The following CCNC variants were observed in gnomAD, a reference collection of about 807,000 sequenced individuals.
The protein encoded by CCNC is cyclin C.
Under a neutral mutation model 50.0 loss-of-function variants are expected in CCNC, and 19 were observed. The ratio of observed to expected loss-of-function variants is 0.38; its 90% confidence interval spans 0.27 to 0.56. The LOEUF is 0.56. CCNC is among the 20% of genes least tolerant of loss of function. CCNC has a pLI of 0.72. For synonymous variants in CCNC, 93 were observed against 103.7 expected (o/e 0.90, Z 0.63); for missense variants, 200 against 327.1 (o/e 0.61, Z 3.00).
chr6:99,545,350 G>C lies in CCNC; in HGVS notation c.679-120C>G, dbSNP rs114812516. ...TAAATAGTCTCTGTCCTTAAATCCT[G>C]ATAAATTTGAAAGCAGTATTTTTCA... On this transcript the variant is annotated intron_variant, in intron 10 of 11. Transcript: ENST00000520429. The C allele has an allele frequency of 7.4e-3, 4,458 of 601,198 alleles. 77 individuals carry two copies. The highest frequency in any genetic ancestry group is 0.027 in the African/African-American group (1,470 of 53,872). 37.2% of individuals were successfully genotyped at this position (601,198 alleles called of 1,614,324 possible).
At chr6:99,566,844 G>A in intron 1 of CCNC, 1 of 387,638 alleles carries the variant, frequency 2.6e-6, no homozygotes. Context: ...GTGCATCTTA[G>A]AAGCATGAAA....
intron 4 of CCNC, among the ~76,000 whole-genome samples, chr6:99,560,120 T>G (rs1802715290): frequency 6.6e-6 from 1 of 152,180 alleles, no homozygotes; most frequent in African/African-American, 2.4e-5. Flanking sequence ...ATTTAACAAG[T>G]AAGATAGATT....
At chr6:99,544,751 A>G (rs1583566189) in intron 11 of CCNC, among the ~76,000 whole-genome samples, 1 of 151,846 alleles carries the variant, frequency 6.6e-6, no homozygotes, top group East Asian at 1.9e-4. Context: ...CAGTGAAAAA[A>G]AAAAAAAAAA....
intron 4 of CCNC, among the ~76,000 whole-genome samples, chr6:99,560,895 TGAGAAGCATAAGG>T (rs1802751432): frequency 6.6e-6 from 1 of 152,202 alleles, no homozygotes; most frequent in Admixed American, 6.5e-5. Context: ...AGCATATGGG[TGAGAAGCATAAGG>T]GACATTCTCA....
At chr6:99,543,855 T>C in intron 11 of CCNC, 1 of 1,331,488 alleles carries the variant, frequency 7.5e-7, no homozygotes, top group Non-Finnish European at 9.6e-7. Context: ...AGTGTCCATA[T>C]ATACTCAAAA....
chr6:99,555,177 G>T (rs570578394), intron 5 of CCNC, among the ~76,000 whole-genome samples: 1 of 152,216 alleles, frequency 6.6e-6, no homozygotes, highest in African/African-American at 2.4e-5. Context: ...AGTTCCTTTT[G>T]CCTTTACTCT....
At chr6:99,555,436 CTT>C (rs67373075) in intron 5 of CCNC, among the ~76,000 whole-genome samples, 10 of 150,822 alleles carry the variant, frequency 6.6e-5, no homozygotes, top group East Asian at 1.9e-4. Context: ...TTGTGGAACT[CTT>C]TTTTTTTTTA....
At chr6:99,554,406 G>C (rs1802429842) in intron 5 of CCNC, among the ~76,000 whole-genome samples, 1 of 152,164 alleles carries the variant, frequency 6.6e-6, no homozygotes, top group African/African-American at 2.4e-5. Context: ...CACCTTAGGA[G>C]TGGGGAGTTA....
At chr6:99,545,037 C>A in intron 11 of CCNC, 75 bp downstream of exon 11, 3 of 699,004 alleles carry the variant, frequency 4.3e-6, no homozygotes, top group South Asian at 2.0e-5. Context: ...AACTACAAAA[C>A]AACATAATCT....
chr6:99,555,723 G>C (rs554936524), intron 5 of CCNC, among the ~76,000 whole-genome samples: 3 of 152,176 alleles, frequency 2.0e-5, no homozygotes, highest in African/African-American at 7.2e-5. Context: ...ATTATAAGCA[G>C]GAACCACCAT....
rs902276887 is a variant in CCNC at position 99,550,610 on chromosome 6, C to G, written c.439-301G>C. 9 of 305,672 alleles carry G rather than the reference C, an allele frequency of 2.9e-5. No individual in the cohort carries two copies. In the East Asian group the frequency reaches 4.6e-4, roughly 16 times the overall value. The allele number at this position is 305,672 out of a possible 1,614,324, so 18.9% of individuals were successfully genotyped here. ...GCAACACACTGAAACCTCTTATTAGCCTATAAATTCATAATTCCCAACTGG... is the reference window on the plus strand; with the variant it reads ...GCAACACACTGAAACCTCTTATTAGGCTATAAATTCATAATTCCCAACTGG... On this transcript the variant is annotated intron_variant, in intron 7 of 11. Transcript: ENST00000520429.
At chr6:99,545,797 G>A (rs2128867332) in intron 10 of CCNC, among the ~76,000 whole-genome samples, 1 of 152,278 alleles carries the variant, frequency 6.6e-6, no homozygotes, top group Non-Finnish European at 1.5e-5. Flanking sequence ...CCAGGAGATA[G>A]GCTATGTTAC....
chr6:99,567,422 T>C (rs330870), intron 1 of CCNC, among the ~76,000 whole-genome samples: 5 of 109,798 alleles, frequency 4.6e-5, no homozygotes, highest in African/African-American at 1.8e-4. Context: ...CACACACACA[T>C]ATATATACAC....
intron 6 of CCNC, 25 bp downstream of exon 6, chr6:99,551,815 G>A: frequency 1.5e-6 from 2 of 1,309,494 alleles, no homozygotes; most frequent in Non-Finnish European, 2.0e-6. Flanking sequence ...TTTGATAATT[G>A]TTCCATTTTA....
In CCNC at chr6:99,558,499, A is replaced by G. The variant is rs766693480; in HGVS notation, c.344T>C (p.Val115Ala). Reference protein sequence around the residue: ...NTRLIAAATSVLKTRFSYAFP... With the variant: ...NTRLIAAATSALKTRFSYAFP... The stretch of plus-strand genomic sequence containing the variant: ...GCAGATATACTTTTTGCACTTACAT[A>G]CAGAAGTAGCAGCAGCAATCAATCT... Residue 115 changes from valine (V) to alanine (A), a missense_variant and splice_region_variant, in exon 5 of 12, where the codon GTA becomes GCA. Coordinates refer to ENST00000520429, the MANE Select transcript of CCNC (RefSeq NM_005190.4). 1 of 1,611,572 alleles carries G rather than the reference A, an allele frequency of 6.2e-7. No homozygotes were observed. Among genetic ancestry groups the G allele is most frequent in the Non-Finnish European group, 8.5e-7 (1 of 1,178,958 alleles).
At chr6:99,551,551 G>A (rs893119504) in intron 6 of CCNC, among the ~76,000 whole-genome samples, 1 of 152,060 alleles carries the variant, frequency 6.6e-6, no homozygotes, top group African/African-American at 2.4e-5. Context: ...CCAATGTTGG[G>A]AGCCCCAAGG....
intron 5 of CCNC, 141 bp downstream of exon 5, chr6:99,558,356 C>G: frequency 7.8e-7 from 1 of 1,286,148 alleles, no homozygotes; most frequent in Non-Finnish European, 1.0e-6. Context: ...GCCAGATACA[C>G]TAGATATAAA....
At chr6:99,544,372 G>T in intron 11 of CCNC, 3 of 1,008,922 alleles carry the variant, frequency 3.0e-6, no homozygotes, top group South Asian at 1.5e-5. Context: ...ATTAACTTAT[G>T]AGTAGCAATC....
In CCNC at chr6:99,546,364, C is replaced by T. The variant is rs1802069457; in HGVS notation, c.678+31G>A. The T allele has an allele frequency of 3.5e-6, 5 of 1,415,368 alleles. No individual in the cohort carries two copies. The East Asian group carries it at 9.1e-5, about 26-fold the overall frequency. 87.7% of individuals were successfully genotyped at this position (1,415,368 alleles called of 1,614,324 possible). The stretch of plus-strand genomic sequence containing the variant: ...AGTAAATATGACATTAATTTTTAAA[C>T]ATCCAAGTTTACATACAACTAAGGG... On this transcript the variant is annotated intron_variant, in intron 10 of 11. Coordinates refer to ENST00000520429, the MANE Select transcript of CCNC (RefSeq NM_005190.4).
Sources: allele counts gnomAD v4.1 joint callset (sites outside exome capture counted in the v4.1 genomes callset), GRCh38; gene constraint gnomAD v4.1.1; transcripts MANE v1.5; gene names NCBI Gene and HGNC (gene_info 2026-07-23, HGNC 2026-07-21).